MYRIP: variants seen among roughly 807,000 people sequenced by gnomAD.
MYRIP encodes rab effector MyRIP.
In MYRIP, 49 loss-of-function variants were observed where a neutral mutation model predicts 98.0. The observed-to-expected ratio is 0.50, with a 90% CI of 0.40 to 0.63. The LOEUF (loss-of-function observed/expected upper bound fraction) is 0.63, where lower values mean the gene tolerates loss of function less well. Among genes scored for constraint, MYRIP ranks in the 30% least tolerant of loss-of-function variants. The probability of loss-of-function intolerance (pLI) is 0.00; values close to 1 mark genes in which losing one functional copy is unlikely to be tolerated. For synonymous variants in MYRIP, 404 were observed against 409.5 expected, an observed-to-expected ratio of 0.99 and a Z score of 0.16; for missense variants, 1,004 against 1,058.2, an observed-to-expected ratio of 0.95 and a Z score of 0.71.
chr3:40,248,954 C>T (rs1165213300), intron 13 of MYRIP, among the ~76,000 whole-genome samples: 1 of 152,218 alleles, frequency 6.6e-6, no homozygotes, highest in East Asian at 1.9e-4. Flanking sequence ...TGGCCTTCAC[C>T]TACCTCCTCC....
At chr3:40,226,852 C>T (rs1952506283) in intron 11 of MYRIP, among the ~76,000 whole-genome samples, 2 of 152,164 alleles carry the variant, frequency 1.3e-5, no homozygotes, top group South Asian at 4.2e-4. Flanking sequence ...GCAGTACAAA[C>T]CCCAGACTCC....
intron 1 of MYRIP, among the ~76,000 whole-genome samples, chr3:39,847,235 C>T (rs1035417332): frequency 6.6e-6 from 1 of 152,170 alleles, no homozygotes; most frequent in African/African-American, 2.4e-5. Context: ...CAACTGAAAA[C>T]TCACTAACCC....
At chr3:40,238,298 T>C (rs143662511) in intron 12 of MYRIP, among the ~76,000 whole-genome samples, 105 of 152,356 alleles carry the variant, frequency 6.9e-4, no homozygotes, top group African/African-American at 1.8e-3. Flanking sequence ...CACAGAGCCA[T>C]GGGCGCGTTG....
In MYRIP at chr3:40,140,083, G is replaced by C. The variant is rs569228299; in HGVS notation, c.333-10965G>C. On this transcript the variant is annotated intron_variant, in intron 3 of 16. Transcript: ENST00000302541. ...GGACTTGCAAACAGAAGCCATGTCT[G>C]TGTCTTGGGCAGTGGTGAGACAAGA... Among the ~76,000 whole-genome samples, 8 of 152,294 alleles carry C rather than the reference G, an allele frequency of 5.3e-5. No homozygotes were observed. The South Asian group carries it at 1.5e-3, about 28-fold the overall frequency.
intron 4 of MYRIP, among the ~76,000 whole-genome samples, chr3:40,151,598 G>A (rs1950122545): frequency 6.6e-6 from 1 of 152,166 alleles, no homozygotes; most frequent in African/African-American, 2.4e-5. Context: ...CCAAACTTCT[G>A]TTCTTATGGC....
intron 3 of MYRIP, among the ~76,000 whole-genome samples, chr3:40,094,487 C>T (rs1948787471): frequency 1.3e-5 from 2 of 152,214 alleles, no homozygotes; most frequent in South Asian, 4.1e-4. Context: ...TGCTTTGCAG[C>T]ACAAGGACAT....
chr3:40,155,436 A>G (rs1199323165), intron 4 of MYRIP, among the ~76,000 whole-genome samples: 2 of 151,978 alleles, frequency 1.3e-5, no homozygotes, highest in East Asian at 1.9e-4. Flanking sequence ...ATTGTGAATA[A>G]TGCCGCACTA....
At chr3:40,021,858 G>A (rs1361483915) in intron 2 of MYRIP, among the ~76,000 whole-genome samples, 1 of 152,194 alleles carries the variant, frequency 6.6e-6, no homozygotes, top group Non-Finnish European at 1.5e-5. Flanking sequence ...CTATCCCTTA[G>A]TGGCACTGAA....
chr3:39,842,297 G>C (rs962180904), intron 1 of MYRIP, among the ~76,000 whole-genome samples: 3 of 152,144 alleles, frequency 2.0e-5, no homozygotes, highest in African/African-American at 7.2e-5. Flanking sequence ...AGTAATGGCT[G>C]ATGCCCCTCC....
intron 3 of MYRIP, among the ~76,000 whole-genome samples, chr3:40,116,227 T>C (rs1272010055): frequency 1.3e-5 from 2 of 152,180 alleles, no homozygotes; most frequent in African/African-American, 4.8e-5. Flanking sequence ...CCTAGCACTT[T>C]ACCTTTAGCC....
chr3:39,837,484 A>G (rs1358009191), intron 1 of MYRIP, among the ~76,000 whole-genome samples: 1 of 152,068 alleles, frequency 6.6e-6, no homozygotes, highest in African/African-American at 2.4e-5. Flanking sequence ...TCCTTTCCCC[A>G]TTGCTTGTTT....
chr3:40,108,762 G>T (rs149525275), intron 3 of MYRIP, among the ~76,000 whole-genome samples: 2 of 152,160 alleles, frequency 1.3e-5, no homozygotes, highest in East Asian at 3.9e-4. Context: ...CTAAAGTTGC[G>T]ATTGTAAGCA....
rs186424991 is a variant in MYRIP, at chr3:40,236,127, T to C, written c.2100+2074T>C. On this transcript the variant is annotated intron_variant, in intron 12 of 16. Transcript: ENST00000302541. ...TAAGATTATAATGCTGTATTTTTAC[T>C]GTACCGTTTCTATGTTTAGATACAC... 3.9e-4 allele frequency among the ~76,000 whole-genome samples: 59 copies of C among 152,362 alleles called. No individual in the cohort carries two copies. The East Asian group carries it at 8.7e-3, about 22-fold the overall frequency.
chr3:39,855,419 A>C (rs4676454), intron 1 of MYRIP, among the ~76,000 whole-genome samples: 97,961 of 151,896 alleles, frequency 0.64, 33,241 homozygotes, highest in African/African-American at 0.87. Flanking sequence ...GTTTTGTGTT[A>C]GGCTACCAGA....
At chr3:40,147,241 T>C (rs970247341) in intron 3 of MYRIP, among the ~76,000 whole-genome samples, 6 of 152,320 alleles carry the variant, frequency 3.9e-5, no homozygotes, top group Admixed American at 1.3e-4. Flanking sequence ...AACTAGCATA[T>C]TGAAACCATT....
At chr3:40,103,100 G>A (rs1434927984) in intron 3 of MYRIP, among the ~76,000 whole-genome samples, 2 of 151,922 alleles carry the variant, frequency 1.3e-5, no homozygotes, top group African/African-American at 4.8e-5. Flanking sequence ...AACTTTCCAG[G>A]ATTCTCCATC....
Position 40,142,461 on chromosome 3 carries a change from AG to A in MYRIP, c.333-8585del, listed in dbSNP as rs112773384. 1.4e-3 allele frequency among the ~76,000 whole-genome samples: 206 copies of A among 152,094 alleles called. 3 individuals carry two copies. Among genetic ancestry groups the A allele is most frequent in the Middle Eastern group, 0.01 (3 of 294 alleles). On this transcript the variant is annotated intron_variant, in intron 3 of 16. Transcript: ENST00000302541. ...GTGTAATTATCCTCAGGGATTTCAG[AG>A]GTAACTTGGAAATTTTTTTTTATAG... is the stretch of plus-strand genomic sequence containing the variant.
chr3:39,867,315 T>C (rs1401173116), intron 1 of MYRIP, among the ~76,000 whole-genome samples: 1 of 152,156 alleles, frequency 6.6e-6, no homozygotes, highest in Non-Finnish European at 1.5e-5. Context: ...AATAAACATG[T>C]TGTACTACAT....
At position 40,023,682 on chromosome 3, in the gene MYRIP, C is replaced by T. The variant is rs531707626; in HGVS notation, c.111-20368C>T. ...TCCATTGGCAGAGCCTAACCAACAA[C>T]AGCAGGCAGAAGAATCTAGGAAAGG... On this transcript the variant is annotated intron_variant, in intron 2 of 16. Coordinates refer to ENST00000302541, the MANE Select transcript of MYRIP (RefSeq NM_015460.4). 2.6e-5 allele frequency among the ~76,000 whole-genome samples: 4 copies of T among 152,258 alleles called. No homozygotes were observed. In the South Asian group the frequency reaches 6.2e-4, roughly 24 times the overall value.
Sources: gnomAD v4.1 joint callset for allele counts (sites outside exome capture counted in the v4.1 genomes callset) on GRCh38, gnomAD v4.1.1 for gene constraint, MANE v1.5 for transcripts, NCBI Gene and HGNC (gene_info 2026-07-23, HGNC 2026-07-21) for gene names.